Variants in TSC1 observed in about 807,000 individuals in gnomAD.
The protein encoded by TSC1 is TSC complex subunit 1, also known as hamartin.
TSC1 carries 20 observed loss-of-function variants against 124.3 expected under a neutral mutation model. The ratio of observed to expected loss-of-function variants is 0.16; its 90% CI spans 0.11 to 0.23. TSC1 has a LOEUF of 0.23. Ranked by LOEUF, TSC1 falls within the 10% of genes least tolerant of loss-of-function variation. The pLI is 1.00. For synonymous variants in TSC1, 493 were observed against 539.1 expected, an observed-to-expected ratio of 0.91 and a Z score of 1.19; for missense variants, 1,124 against 1,448.5, an observed-to-expected ratio of 0.78 and a Z score of 3.64.
In TSC1 at chr9:132,901,621, T is replaced by C. The variant is rs1554814639; in HGVS notation, c.2470A>G (p.Thr824Ala). 6.2e-7 allele frequency: 1 copy of C among 1,614,182 alleles called. No individual in the cohort carries two copies. The highest frequency in any genetic ancestry group is 1.7e-5 in the Admixed American group (1 of 60,034). ...LKKANNKVCH[T>A]ELLLSQVSQK... is the part of the protein sequence containing the mutation. Reference sequence around the variant, plus strand: ...GAAACCTGACTGAGCAGCAGCTCAGTGTGACACACCTTGTTGTTGGCCTTC... The same window carrying C: ...GAAACCTGACTGAGCAGCAGCTCAGCGTGACACACCTTGTTGTTGGCCTTC... The change falls in exon 19 of 23, where the codon ACT (threonine) becomes GCT (alanine). Residue 824 changes from threonine to alanine, a missense_variant. By Grantham distance (58) the Thr-to-Ala change is moderately conservative. Around this residue, in one of 5 missense-constraint regions of TSC1, gnomAD observed 321 missense variants for 397.4 expected, o/e 0.81. Coordinates refer to ENST00000298552, the MANE Select transcript of TSC1 (RefSeq NM_000368.5).
At chr9:132,920,723 T>C (rs568248083) in intron 8 of TSC1, among the ~76,000 whole-genome samples, 2 of 151,928 alleles carry the variant, frequency 1.3e-5, no homozygotes, top group Non-Finnish European at 2.9e-5. Flanking sequence ...TAAGCCTGGC[T>C]ACCAGGCAGA....
rs561015534 is a variant in TSC1, at chr9:132,922,766, C to T, written c.508+582G>A. 5.3e-4 allele frequency among the ~76,000 whole-genome samples: 80 copies of T among 152,268 alleles called. No individual in the cohort carries two copies. The South Asian group carries it at 0.016, about 30-fold the overall frequency. ...TGTCTCACAGGTCTGACATACTTCA[C>T]CCTTTTGATAGAAATACCTCACACT... is the stretch of plus-strand genomic sequence containing the variant. On this transcript the variant is annotated intron_variant, in intron 6 of 22. Coordinates refer to ENST00000298552, the MANE Select transcript of TSC1 (RefSeq NM_000368.5).
rs763234027 is a variant in TSC1, at chr9:132,927,312, A to G, written c.107-8T>C. 3 of 1,612,790 alleles carry G rather than the reference A, an allele frequency of 1.9e-6. No homozygotes were observed. Among genetic ancestry groups the G allele is most frequent in the Non-Finnish European group, 2.5e-6 (3 of 1,179,270 alleles). On this transcript the variant is annotated splice_polypyrimidine_tract_variant and splice_region_variant and intron_variant, in intron 3 of 22. Coordinates refer to ENST00000298552, the MANE Select transcript of TSC1 (RefSeq NM_000368.5). Reference sequence around the variant, plus strand: ...CAAGCATAGGGCCACGGTCTAAATCAAGAAAAGGGCAATGGATGATACTTA... The same window carrying G: ...CAAGCATAGGGCCACGGTCTAAATCGAGAAAAGGGCAATGGATGATACTTA...
At position 132,905,974 on chromosome 9, in the gene TSC1, G is replaced by C. The variant is rs1164741723; in HGVS notation, c.1604C>G (p.Pro535Arg). The C allele has an allele frequency of 6.2e-7, 1 of 1,614,160 alleles. No individual in the cohort carries two copies. Among genetic ancestry groups the C allele is most frequent in the South Asian group, 1.1e-5 (1 of 91,082 alleles). Residue 535 changes from proline (P) to arginine (R), a missense_variant, in exon 15 of 23, where the codon CCT (proline) becomes CGT (arginine). Pro to Arg is a moderately radical substitution (Grantham distance 103, BLOSUM62 -2). This residue lies in a region of TSC1 where 321 missense variants were observed against 397.4 expected (regional missense o/e 0.81). Transcript: ENST00000298552. Reference sequence around the variant, plus strand: ...AAGCTTGTCCAGGGAGGAGTGTAAAGGCTCAGGGTTCACGCTGGCGCCCTG... The same window carrying C: ...AAGCTTGTCCAGGGAGGAGTGTAAACGCTCAGGGTTCACGCTGGCGCCCTG... ...SSQGASVNPEPLHSSLDKLGP... is the reference protein window; with the variant it reads ...SSQGASVNPERLHSSLDKLGP...
chr9:132,930,941 C>G lies in TSC1; in HGVS notation c.-80-1989G>C, dbSNP rs552253582. On this transcript the variant is annotated intron_variant, in intron 2 of 22. Transcript: ENST00000298552. ...AAGATTCTACCGTAAAAGTTCAAAACCAAAAAGCGATTAGTATGGTATCAG... is the reference window on the plus strand; with the variant it reads ...AAGATTCTACCGTAAAAGTTCAAAAGCAAAAAGCGATTAGTATGGTATCAG... Among the ~76,000 whole-genome samples the G allele has an allele frequency of 3.9e-5, 6 of 152,232 alleles. No individual in the cohort carries two copies. In the South Asian group the frequency reaches 1.0e-3, roughly 26 times the overall value.
chr9:132,925,803 C>G (rs2132242874), intron 4 of TSC1, 64 bp from the exon 5 acceptor site: 4 of 1,587,188 alleles, frequency 2.5e-6, no homozygotes, highest in Non-Finnish European at 3.5e-6. Flanking sequence ...CAAATAAAGA[C>G]AGCAATGATG....
chr9:132,910,317 A>T, intron 12 of TSC1: 2 of 638,588 alleles, frequency 3.1e-6, no homozygotes, highest in Non-Finnish European at 5.4e-6. Flanking sequence ...AAAAAAAAAA[A>T]AAAAAATCAA....
chr9:132,892,984 CCTG>C lies in TSC1; in HGVS notation c.*3248_*3250del, dbSNP rs886063582. 7 of 233,168 alleles carry C rather than the reference CCTG, an allele frequency of 3.0e-5. No individual in the cohort carries two copies. Among genetic ancestry groups the C allele is most frequent in the African/African-American group, 2.2e-5 (1 of 45,326 alleles). The allele number at this position is 233,168 out of a possible 1,614,324, so 14.4% of individuals were successfully genotyped here. ...AGTCTGGAGTTTTGTTCCCTGCTGC[CCTG>C]CTTTTACCCAGTAATGTGCGGCATG... On this transcript the variant is annotated 3_prime_UTR_variant, in exon 23 of 23. Coordinates refer to ENST00000298552, the MANE Select transcript of TSC1 (RefSeq NM_000368.5).
Position 132,892,825 on chromosome 9 carries a change from C to T in TSC1, c.*3410G>A, listed in dbSNP as rs771479576. ...TCTATTCTTAACAGTGAGTCTGAGC[C>T]TCTGTGGTCTCAGAGATCCTTTCAT... On this transcript the variant is annotated 3_prime_UTR_variant, in exon 23 of 23. Coordinates refer to ENST00000298552, the MANE Select transcript of TSC1 (RefSeq NM_000368.5). 2 of 233,166 alleles carry T rather than the reference C, an allele frequency of 8.6e-6. No individual in the cohort carries two copies. The highest frequency in any genetic ancestry group is 4.4e-5 in the African/African-American group (2 of 45,328). The allele number at this position is 233,166 out of a possible 1,614,324, so 14.4% of individuals were successfully genotyped here. A position where few individuals can be genotyped will look rare whatever the true frequency, so the allele number is the denominator to read the frequency against.
At chr9:132,900,604 C>G in intron 20 of TSC1, 111 bp downstream of exon 20, 4 of 1,573,712 alleles carry the variant, frequency 2.5e-6, no homozygotes, top group Non-Finnish European at 3.5e-6. Context: ...ACTGCCGCTC[C>G]GTCTTTTAGG....
chr9:132,923,559 T>C lies in TSC1; in HGVS notation c.364-67A>G, dbSNP rs1846689208. The C allele has an allele frequency of 1.2e-6, 2 of 1,607,332 alleles. No homozygotes were observed. ...TGGCACCAGGATCGGCATTGTACAGTACATGAAGAGGCTCTAAACACTGAG... is the reference window on the plus strand; with the variant it reads ...TGGCACCAGGATCGGCATTGTACAGCACATGAAGAGGCTCTAAACACTGAG... On this transcript the variant is annotated intron_variant, in intron 5 of 22. Coordinates refer to ENST00000298552, the MANE Select transcript of TSC1 (RefSeq NM_000368.5). The surrounding 1 kb of genome is among the most constrained non-coding windows in gnomAD (Gnocchi z 4.2).
In TSC1 at chr9:132,905,601, C is replaced by T. The variant is rs35958226; in HGVS notation, c.1977G>A (p.Ala659=). The change falls in exon 15 of 23, where the codon GCG becomes GCA. Residue 659 remains alanine, a synonymous_variant. Transcript: ENST00000298552. The stretch of plus-strand genomic sequence containing the variant: ...CTTACTTGTTCAGCTCCTTGCTGTG[C>T]GCGTCTGCTCCCTGCTGTATCAGTC... The part of the protein sequence containing the change: ...LDRLIQQGAD[A]HSKELNKLPL... The T allele has an allele frequency of 3.4e-4, 542 of 1,614,114 alleles. 3 individuals are homozygous for T. The highest frequency in any genetic ancestry group is 1.3e-3 in the Middle Eastern group (8 of 6,002).
At chr9:132,931,419 G>A (rs1847196063) in intron 2 of TSC1, 1 of 152,090 alleles carries the variant, frequency 6.6e-6, no homozygotes, top group Admixed American at 6.6e-5. Context: ...TGCAAAGTAA[G>A]GTTTTATTCT....
At chr9:132,920,945 G>C (rs1027584099) in intron 8 of TSC1, among the ~76,000 whole-genome samples, 1 of 151,666 alleles carries the variant, frequency 6.6e-6, no homozygotes, top group Non-Finnish European at 1.5e-5. Flanking sequence ...TTGCAGAATG[G>C]AGAAAGGACC....
intron 8 of TSC1, among the ~76,000 whole-genome samples, chr9:132,920,438 T>C (rs763125983): frequency 2.0e-5 from 3 of 152,196 alleles, no homozygotes; most frequent in African/African-American, 7.2e-5. Flanking sequence ...AGTAATGTTC[T>C]GTTTTTTTTA....
chr9:132,925,825 C>T (rs1846830230), intron 4 of TSC1, 86 bp from the exon 5 acceptor site: 4 of 1,538,002 alleles, frequency 2.6e-6, no homozygotes, highest in African/African-American at 2.7e-5. Context: ...GCTCCAATCT[C>T]TCAAGTCTTG....
chr9:132,897,720 C>A, intron 20 of TSC1, 110 bp from the exon 21 acceptor site: 1 of 1,409,018 alleles, frequency 7.1e-7, no homozygotes, highest in South Asian at 1.3e-5. Flanking sequence ...TTTTAGTATA[C>A]TGATAACAGA....
chr9:132,944,405 C>G (rs1250331040), intron 1 of TSC1, 138 bp downstream of exon 1: 1 of 392,936 alleles, frequency 2.5e-6, no homozygotes, highest in East Asian at 3.6e-5. Context: ...GCTCTCCGAA[C>G]CCCCCTTCCC....
intron 20 of TSC1, chr9:132,900,493 G>C (rs185703396): frequency 3.3e-6 from 2 of 598,136 alleles, no homozygotes; most frequent in East Asian, 6.5e-5. Flanking sequence ...ACTACCATTA[G>C]GTGCTTTCAG....
Sources: allele counts gnomAD v4.1 joint callset (sites outside exome capture counted in the v4.1 genomes callset), GRCh38; gene constraint gnomAD v4.1.1; regional missense constraint gnomAD v4.1.1; non-coding constraint Gnocchi (gnomAD v3.1); transcripts MANE v1.5; gene names NCBI Gene and HGNC (gene_info 2026-07-23, HGNC 2026-07-21).